The following GOLGA1 variants were observed in gnomAD, a reference collection of about 807,000 sequenced individuals.
GOLGA1 encodes golgin subfamily A member 1.
GOLGA1 carries 63 observed loss-of-function variants against 119.7 expected under a neutral mutation model. The observed-to-expected ratio is 0.53, with a 90% CI of 0.43 to 0.65. The LOEUF (loss-of-function observed/expected upper bound fraction) is 0.65. GOLGA1 is among the 30% of genes least tolerant of loss of function. The probability of loss-of-function intolerance (pLI) is 0.00; values close to 1 mark genes in which losing one functional copy is unlikely to be tolerated. For synonymous variants in GOLGA1, 318 were observed against 333.4 expected, an observed-to-expected ratio of 0.95 and a Z score of 0.50; for missense variants, 798 against 912.8, an observed-to-expected ratio of 0.87 and a Z score of 1.62.
At chr9:124,916,939 A>T (rs948876561) in intron 10 of GOLGA1, among the ~76,000 whole-genome samples, 4 of 150,792 alleles carry the variant, frequency 2.7e-5, no homozygotes, top group Non-Finnish European at 5.9e-5. Flanking sequence ...GACAAAAATT[A>T]AAATTTTGGT....
upstream of GOLGA1, chr9:124,943,438 T>C (rs181996735): frequency 2.6e-5 from 4 of 152,324 alleles, no homozygotes; most frequent in Non-Finnish European, 1.5e-5. Flanking sequence ...CCAAATAGCT[T>C]CATTATTTGC....
chr9:124,915,022 G>C (rs1310276181), intron 10 of GOLGA1, among the ~76,000 whole-genome samples: 1 of 152,146 alleles, frequency 6.6e-6, no homozygotes, highest in Non-Finnish European at 1.5e-5. Flanking sequence ...GTGGACTACG[G>C]GAACAGTTAC....
At position 124,888,362 on chromosome 9, in the gene GOLGA1, T is replaced by A; in HGVS notation, c.1796A>T (p.Gln599Leu). ...TSRAMQDPVF[Q>L]LPTAGRTPNG... is the part of the protein sequence containing the mutation. ...TGGTGTTCTTCCTGCAGTTGGAAGC[T>A]GGAACACAGGGTCCTGCATGGCCCT... is the stretch of plus-strand genomic sequence containing the variant. Residue 599 changes from glutamine (Q) to leucine (L), a missense_variant, in exon 19 of 23, where the codon CAG (glutamine) becomes CTG (leucine). Coordinates refer to ENST00000373555, the MANE Select transcript of GOLGA1 (RefSeq NM_002077.4). This position sits in a 1 kb window ranked among gnomAD's most constrained non-coding sequence, Gnocchi z 4.4. 1.2e-6 allele frequency: 2 copies of A among 1,613,670 alleles called. No homozygotes were observed. Among genetic ancestry groups the A allele is most frequent in the Non-Finnish European group, 1.7e-6 (2 of 1,179,580 alleles).
At chr9:124,921,294 C>G in intron 9 of GOLGA1, 54 bp from the exon 10 acceptor site, 1 of 952,208 alleles carries the variant, frequency 1.1e-6, no homozygotes, top group South Asian at 1.3e-5. Flanking sequence ...ATCTAATATA[C>G]AGTCTTCTGC....
chr9:124,895,692 A>C (rs1476674034), intron 15 of GOLGA1, among the ~76,000 whole-genome samples: 2 of 149,246 alleles, frequency 1.3e-5, no homozygotes, highest in Non-Finnish European at 1.5e-5. Flanking sequence ...ACAACAGAGA[A>C]CCCTCCACAA....
intron 10 of GOLGA1, among the ~76,000 whole-genome samples, chr9:124,918,974 T>C (rs1036408618): frequency 1.3e-5 from 2 of 151,710 alleles, no homozygotes; most frequent in South Asian, 4.2e-4. Flanking sequence ...TAGGGCTGAG[T>C]GTGGTGGTTC....
intron 12 of GOLGA1, among the ~76,000 whole-genome samples, chr9:124,904,954 A>AT (rs372649911): frequency 0.084 from 12,425 of 148,648 alleles, 706 homozygotes; most frequent in Non-Finnish European, 0.13. Context: ...AAAAAAAAAA[A>AT]ATAAATAAAA....
At chr9:124,899,194 T>C (rs1321389796) in intron 14 of GOLGA1, 135 bp downstream of exon 14, 3 of 741,300 alleles carry the variant, frequency 4.0e-6, no homozygotes, top group Non-Finnish European at 4.3e-6. Flanking sequence ...AGACCCTGTC[T>C]CAAACAAAAA....
chr9:124,908,434 T>C lies in GOLGA1; in HGVS notation c.1008A>G (p.Gln336=). The change falls in exon 12 of 23, where the codon CAA becomes CAG. Residue 336 remains glutamine, a synonymous_variant. Coordinates refer to ENST00000373555, the MANE Select transcript of GOLGA1 (RefSeq NM_002077.4). The stretch of plus-strand genomic sequence containing the variant: ...GGCTGCTTCTGGCTGCCAAGAGCTG[T>C]TGTCTGGTATCCTCCAAATTCTGCT... ...LAEQNLEDTR[Q]QLLAARSSQA... 3.7e-6 allele frequency: 6 copies of C among 1,610,990 alleles called. No individual in the cohort carries two copies. Among genetic ancestry groups the C allele is most frequent in the Non-Finnish European group, 5.1e-6 (6 of 1,177,086 alleles).
In GOLGA1 at chr9:124,946,339, G is replaced by C. The variant is rs1831145085; in HGVS notation, c.-156+1579C>G. The C allele has an allele frequency of 1.3e-5, 2 of 152,104 alleles. No homozygotes were observed. Among genetic ancestry groups the C allele is most frequent in the Admixed American group, 1.3e-4 (2 of 15,258 alleles). The allele number at this position is 152,104 out of a possible 1,614,324, so 9.4% of individuals were successfully genotyped here. Reference sequence around the variant, plus strand: ...CTATAATTGAAAAGTCTTATGAATAGTTGGCTGTTTTATTTAAAATATAAT... The same window carrying C: ...CTATAATTGAAAAGTCTTATGAATACTTGGCTGTTTTATTTAAAATATAAT... On this transcript the variant is annotated intron_variant, in intron 1 of 4. Coordinates refer to the GOLGA1 transcript ENST00000421514. This position sits in a 1 kb window ranked among gnomAD's most constrained non-coding sequence, Gnocchi z 4.0.
At chr9:124,890,077 G>A (rs1252004644) in intron 16 of GOLGA1, among the ~76,000 whole-genome samples, 2 of 152,274 alleles carry the variant, frequency 1.3e-5, no homozygotes, top group African/African-American at 2.4e-5. Flanking sequence ...GGCCTCTGGG[G>A]CAGGTGGGCA....
chr9:124,916,877 CAAAAAAAAA>C (rs71494043), intron 10 of GOLGA1, among the ~76,000 whole-genome samples: 1 of 41,214 alleles, frequency 2.4e-5, no homozygotes, highest in African/African-American at 1.1e-4. Context: ...CCCTGACACA[CAAAAAAAAA>C]AAAAAAAAAA....
Position 124,881,397 on chromosome 9 carries a change from G to A in GOLGA1, c.2137-140C>T. On this transcript the variant is annotated intron_variant, in intron 21 of 22. Coordinates refer to ENST00000373555, the MANE Select transcript of GOLGA1 (RefSeq NM_002077.4). The surrounding 1 kb of genome is among the most constrained non-coding windows in gnomAD (Gnocchi z 4.9). ...TGACGCTCTGGCACTCTGAAGTTTGGCAGCAATGATAGGTTCTTTCTTCCC... is the reference window on the plus strand; with the variant it reads ...TGACGCTCTGGCACTCTGAAGTTTGACAGCAATGATAGGTTCTTTCTTCCC... The A allele has an allele frequency of 1.5e-6, 1 of 682,866 alleles. No individual in the cohort carries two copies. Among genetic ancestry groups the A allele is most frequent in the South Asian group, 1.7e-5 (1 of 60,530 alleles). The allele number at this position is 682,866 out of a possible 1,614,324, so 42.3% of individuals were successfully genotyped here. A position where few individuals can be genotyped will look rare whatever the true frequency, so the allele number is the denominator to read the frequency against.
Position 124,879,446 on chromosome 9 carries a change from G to A in GOLGA1, c.*1084C>T, listed in dbSNP as rs564698556. On this transcript the variant is annotated 3_prime_UTR_variant, in exon 23 of 23. Transcript: ENST00000373555. ...TTTTAAGTATTTGGGGTGGGATGAGGGAGAGAGAGCAGCTCCACAGACAAG... is the reference window on the plus strand; with the variant it reads ...TTTTAAGTATTTGGGGTGGGATGAGAGAGAGAGAGCAGCTCCACAGACAAG... The A allele has an allele frequency of 1.3e-5, 2 of 152,122 alleles. No homozygotes were observed. The highest frequency in any genetic ancestry group is 3.9e-4 in the East Asian group (2 of 5,176). The allele number at this position is 152,122 out of a possible 1,614,324, so 9.4% of individuals were successfully genotyped here.
intron 8 of GOLGA1, 146 bp from the exon 9 acceptor site, chr9:124,922,038 G>A: frequency 1.5e-6 from 1 of 681,010 alleles, no homozygotes; most frequent in Non-Finnish European, 2.6e-6. Context: ...GACCAGCCTT[G>A]CTGACATGGC....
rs764074532 is a variant in GOLGA1 at position 124,928,168 on chromosome 9, CA to C, written c.399+19del. The C allele has an allele frequency of 9.0e-6, 10 of 1,105,540 alleles. No homozygotes were observed. The highest frequency in any genetic ancestry group is 1.4e-5 in the Non-Finnish European group (10 of 727,626). 68.5% of individuals were successfully genotyped at this position (1,105,540 alleles called of 1,614,324 possible). A position where few individuals can be genotyped will look rare whatever the true frequency, so the allele number is the denominator to read the frequency against. On this transcript the variant is annotated intron_variant, in intron 6 of 22. Transcript: ENST00000373555. ...GTGAAATCTTTCCACCAGTTCTGGGCAGTGCCACATATAAAATACCTGGTCC... is the reference window on the plus strand; with the variant it reads ...GTGAAATCTTTCCACCAGTTCTGGGCGTGCCACATATAAAATACCTGGTCC...
At chr9:124,912,504 C>T (rs1416964291) in intron 10 of GOLGA1, among the ~76,000 whole-genome samples, 1 of 152,178 alleles carries the variant, frequency 6.6e-6, no homozygotes, top group African/African-American at 2.4e-5. Context: ...CTTCTCATAC[C>T]TTGGCTTTAG....
chr9:124,937,834 G>A (rs1830907035), intron 3 of GOLGA1, among the ~76,000 whole-genome samples: 1 of 152,114 alleles, frequency 6.6e-6, no homozygotes, highest in South Asian at 2.1e-4. Flanking sequence ...TGTAATCCCA[G>A]CACTTTGGGA....
intron 10 of GOLGA1, among the ~76,000 whole-genome samples, chr9:124,914,519 A>G (rs1830403035): frequency 6.6e-6 from 1 of 152,180 alleles, no homozygotes; most frequent in South Asian, 2.1e-4. Flanking sequence ...AAAAAAGGAA[A>G]GAAAAAGAGT....
Sources: gnomAD v4.1 joint callset for allele counts (sites outside exome capture counted in the v4.1 genomes callset) on GRCh38, gnomAD v4.1.1 for gene constraint, Gnocchi (gnomAD v3.1) non-coding constraint, MANE v1.5 for transcripts, NCBI Gene and HGNC (gene_info 2026-07-23, HGNC 2026-07-21) for gene names.